The following SDK1 variants were observed in gnomAD, a reference collection of about 807,000 sequenced individuals.
SDK1 encodes the protein sidekick cell adhesion molecule 1.
A neutral mutation model predicts 245.5 loss-of-function variants in SDK1; 157 were observed. The ratio of observed to expected loss-of-function variants is 0.64; its 90% CI spans 0.56 to 0.73. The LOEUF (loss-of-function observed/expected upper bound fraction) is 0.73, where lower values mean the gene tolerates loss of function less well. Among genes scored for constraint, SDK1 ranks in the 30% least tolerant of loss-of-function variants. The pLI is 0.00. For missense variants in SDK1, 3,583 were observed against 3,002.3 expected (o/e 1.19, Z -4.52); for synonymous variants, 1,647 against 1,278.5 (o/e 1.29, Z -6.15).
chr7:4,252,857 T>C (rs1379250972), intron 44 of SDK1, among the ~76,000 whole-genome samples: 1 of 149,460 alleles, frequency 6.7e-6, no homozygotes, highest in East Asian at 2.1e-4. Context: ...GTTAAGTCAG[T>C]GTCACTCATT....
intron 20 of SDK1, among the ~76,000 whole-genome samples, chr7:4,068,172 G>A (rs1011615830): frequency 1.3e-5 from 2 of 152,304 alleles, no homozygotes; most frequent in African/African-American, 2.4e-5. Flanking sequence ...TTTGAGATCT[G>A]TTCTCCTCGC....
chr7:4,259,723 G>A (rs1291779332), intron 44 of SDK1, among the ~76,000 whole-genome samples: 1 of 152,168 alleles, frequency 6.6e-6, no homozygotes, highest in African/African-American at 2.4e-5. Flanking sequence ...CACCAAATGA[G>A]TTATAAAAAA....
At chr7:3,463,580 T>C (rs1367055782) in intron 1 of SDK1, among the ~76,000 whole-genome samples, 1 of 148,974 alleles carries the variant, frequency 6.7e-6, no homozygotes, top group African/African-American at 2.6e-5. Context: ...CATGGGATCA[T>C]GGCTTTCACT....
Position 3,574,847 on chromosome 7 carries a change from A to G in SDK1, c.299-44233A>G, listed in dbSNP as rs115646848. 5.0e-3 allele frequency among the ~76,000 whole-genome samples: 768 copies of G among 152,192 alleles called. 10 individuals are homozygous for G. The highest frequency in any genetic ancestry group is 0.018 in the South Asian group (86 of 4,820). On this transcript the variant is annotated intron_variant, in intron 1 of 44. Coordinates refer to ENST00000404826, the MANE Select transcript of SDK1 (RefSeq NM_152744.4). ...TGATATGACCATGTTAGAATTACAG[A>G]ATTAAGAAGAGAAGTACCAATTTTA...
In SDK1 at chr7:4,011,022, G is replaced by C. The variant is rs764359846; in HGVS notation, c.2188G>C (p.Val730Leu). 1.2e-6 allele frequency: 2 copies of C among 1,614,086 alleles called. No individual in the cohort carries two copies. Among genetic ancestry groups the C allele is most frequent in the East Asian group, 2.2e-5 (1 of 44,894 alleles). Residue 730 changes from valine to leucine, a missense_variant, in exon 15 of 45, where the codon GTG becomes CTG. Transcript: ENST00000404826. ...TGGCCCTGAGATGACAGGCGTCACC[G>C]TGAGTGGCCTGACTCCGGCTCGTAC... ...NVGPEMTGVT[V>L]SGLTPARTYQ...
chr7:4,077,193 A>T lies in SDK1; in HGVS notation c.3202+4A>T. 2 of 1,613,692 alleles carry T rather than the reference A, an allele frequency of 1.2e-6. No individual in the cohort carries two copies. Among genetic ancestry groups the T allele is most frequent in the Middle Eastern group, 1.7e-4 (1 of 6,058 alleles). Reference sequence around the variant, plus strand: ...ATTTCTTCTGGAGTGCCCCCAGGTCAGTAGAATCGTGTGCGGTCCTCCTGC... The same window carrying T: ...ATTTCTTCTGGAGTGCCCCCAGGTCTGTAGAATCGTGTGCGGTCCTCCTGC... On this transcript the variant is annotated splice_donor_region_variant and intron_variant, in intron 21 of 44. Transcript: ENST00000404826.
At chr7:4,115,585 C>T (rs954726171) in intron 25 of SDK1, among the ~76,000 whole-genome samples, 6 of 152,220 alleles carry the variant, frequency 3.9e-5, no homozygotes, top group African/African-American at 1.4e-4. Context: ...CTGGAGACAG[C>T]TCCTGAGCCC....
intron 12 of SDK1, among the ~76,000 whole-genome samples, 182 bp from the exon 13 acceptor site, chr7:3,974,183 CAAAA>C (rs10630472): frequency 9.6e-6 from 1 of 104,398 alleles, no homozygotes; most frequent in Non-Finnish European, 1.9e-5. Context: ...GACTCTGTCT[CAAAA>C]AAAAAAAAAA....
chr7:3,854,725 G>C (rs1021144022), intron 5 of SDK1, among the ~76,000 whole-genome samples: 64 of 152,100 alleles, frequency 4.2e-4, no homozygotes, highest in African/African-American at 1.3e-3. Flanking sequence ...AGGGATTTTC[G>C]ATCAGATGTC....
Position 4,257,653 on chromosome 7 carries a change from A to G in SDK1, c.6382-7471A>G, listed in dbSNP as rs118079736. Among the ~76,000 whole-genome samples, 47 of 152,246 alleles carry G rather than the reference A, an allele frequency of 3.1e-4. No homozygotes were observed. The East Asian group carries it at 8.7e-3, about 28-fold the overall frequency. ...GTATTCTCACTTCTCCTCCCTAAAT[A>G]GCAAGAAGGAAAAGCCTCTTGGAGC... On this transcript the variant is annotated intron_variant, in intron 44 of 44. Transcript: ENST00000404826.
intron 4 of SDK1, among the ~76,000 whole-genome samples, chr7:3,690,746 A>T (rs541913056): frequency 6.6e-6 from 1 of 152,228 alleles, no homozygotes; most frequent in Non-Finnish European, 1.5e-5. Flanking sequence ...CAAGTTGATT[A>T]TAACTCTCTA....
At chr7:3,353,518 C>G (rs762257692) in intron 1 of SDK1, among the ~76,000 whole-genome samples, 3 of 152,260 alleles carry the variant, frequency 2.0e-5, no homozygotes, top group Non-Finnish European at 2.9e-5. Flanking sequence ...TGTTTATGCT[C>G]TTTGTAAAAT....
chr7:4,153,198 A>G lies in SDK1; in HGVS notation c.4625+3735A>G, dbSNP rs573690953. On this transcript the variant is annotated intron_variant, in intron 30 of 44. Transcript: ENST00000404826. ...ATGGAAAACAGCAGGGATTCAACGA[A>G]TGTCAGCACCACGGCCCTAGCTCCT... 6.0e-4 allele frequency among the ~76,000 whole-genome samples: 91 copies of G among 151,460 alleles called. 3 individuals carry two copies. In the South Asian group the frequency reaches 0.018, roughly 31 times the overall value.
chr7:3,309,792 C>A (rs112109990), intron 1 of SDK1, among the ~76,000 whole-genome samples: 67 of 152,116 alleles, frequency 4.4e-4, no homozygotes, highest in Non-Finnish European at 8.2e-4. Context: ...ATGTATTTGC[C>A]GGCCAAAGGT....
At chr7:4,040,717 T>C (rs1362838447) in intron 17 of SDK1, among the ~76,000 whole-genome samples, 22 of 152,220 alleles carry the variant, frequency 1.4e-4, no homozygotes, top group Admixed American at 1.4e-3. Context: ...GCCATTTGCA[T>C]AGCCTCCAAA....
chr7:3,936,916 G>A (rs1780182624), intron 5 of SDK1, among the ~76,000 whole-genome samples: 1 of 152,132 alleles, frequency 6.6e-6, no homozygotes, highest in Non-Finnish European at 1.5e-5. Context: ...GGTCCGAGGA[G>A]GGCAGAGGGG....
At position 3,919,681 on chromosome 7, in the gene SDK1, A is replaced by ATGTT. The variant is rs1188500438; in HGVS notation, c.848-31241_848-31238dup. ...AGATTCTGCTTTATTAACTGACTCC[A>ATGTT]TGTTGCTCTACTGGGCCCTGTGGAG... On this transcript the variant is annotated intron_variant, in intron 5 of 44. Coordinates refer to ENST00000404826, the MANE Select transcript of SDK1 (RefSeq NM_152744.4). Among the ~76,000 whole-genome samples the ATGTT allele has an allele frequency of 3.3e-5, 5 of 152,178 alleles. No individual in the cohort carries two copies. In the East Asian group the frequency reaches 9.6e-4, roughly 29 times the overall value.
At chr7:3,783,702 T>A (rs955161852) in intron 4 of SDK1, among the ~76,000 whole-genome samples, 5 of 152,050 alleles carry the variant, frequency 3.3e-5, no homozygotes, top group Non-Finnish European at 5.9e-5. Context: ...GATAAAAAAG[T>A]TGAAGATACA....
chr7:3,461,840 G>C (rs564905991), intron 1 of SDK1, among the ~76,000 whole-genome samples: 8 of 152,174 alleles, frequency 5.3e-5, no homozygotes, highest in African/African-American at 1.9e-4. Flanking sequence ...CTTGGGTTTT[G>C]AGTTCCATCT....
Sources: allele counts gnomAD v4.1 joint callset (sites outside exome capture counted in the v4.1 genomes callset), GRCh38; gene constraint gnomAD v4.1.1; transcripts MANE v1.5; gene names NCBI Gene and HGNC (gene_info 2026-07-23, HGNC 2026-07-21).